ZBTB24: variants seen among roughly 807,000 people sequenced by gnomAD.
ZBTB24 encodes zinc finger and BTB domain containing 24, also known as zinc finger and BTB domain-containing protein 24.
ZBTB24 carries 32 observed loss-of-function variants against 53.8 expected under a neutral mutation model. The observed-to-expected ratio is 0.60, with a 90% CI of 0.45 to 0.80. ZBTB24 has a LOEUF of 0.80. ZBTB24 is among the 30% of genes least tolerant of loss of function. The pLI, the probability that ZBTB24 is intolerant of heterozygous loss-of-function variation, is 0.00. For synonymous variants in ZBTB24, 297 were observed against 306.7 expected, an observed-to-expected ratio of 0.97 and a Z score of 0.33; for missense variants, 722 against 837.1, an observed-to-expected ratio of 0.86 and a Z score of 1.70.
chr6:109,472,728 C>T (rs1776192304), intron 5 of ZBTB24, among the ~76,000 whole-genome samples: 1 of 152,218 alleles, frequency 6.6e-6, no homozygotes, highest in African/African-American at 2.4e-5. Flanking sequence ...CACACCTGCA[C>T]ATGGATGTCA....
intron 4 of ZBTB24, among the ~76,000 whole-genome samples, chr6:109,475,745 A>G (rs1474358376): frequency 1.3e-5 from 2 of 152,242 alleles, no homozygotes; most frequent in African/African-American, 4.8e-5. Context: ...CTGAGGCCAC[A>G]AATGACCTCA....
chr6:109,475,330 G>A (rs1582677141), intron 5 of ZBTB24, 69 bp downstream of exon 5: 10 of 1,575,678 alleles, frequency 6.3e-6, no homozygotes, highest in Non-Finnish European at 8.7e-6. Flanking sequence ...AGGGCACTCA[G>A]AGAACTTCAT....
rs892009214 is a variant in ZBTB24 at position 109,462,640 on chromosome 6, T to C, written c.*3211A>G. 2 of 152,224 alleles carry C rather than the reference T, an allele frequency of 1.3e-5. No individual in the cohort carries two copies. The highest frequency in any genetic ancestry group is 4.8e-5 in the African/African-American group (2 of 41,448). 9.4% of individuals were successfully genotyped at this position (152,224 alleles called of 1,614,324 possible). ...TTTAATCTGTTGCTCACAACATTTA[T>C]AACACAAGAACCAACTGTAGAAAAT... On this transcript the variant is annotated 3_prime_UTR_variant, in exon 7 of 7. Coordinates refer to ENST00000230122, the MANE Select transcript of ZBTB24 (RefSeq NM_014797.3).
In ZBTB24 at chr6:109,481,231, C is replaced by T. The variant is rs45455100; in HGVS notation, c.796G>A (p.Asp266Asn). The change falls in exon 2 of 7, where the codon GAT becomes AAT. Residue 266 changes from aspartate to asparagine, a missense_variant. Coordinates refer to ENST00000230122, the MANE Select transcript of ZBTB24 (RefSeq NM_014797.3). ...TCTTGATCCCCAACAAGTTTGTAAT[C>T]TTTAAGTTTGACGGATCTCCAAATC... Reference protein sequence around the residue: ...RRIWRSVKLKDYKLVGDQEDH... With the variant: ...RRIWRSVKLKNYKLVGDQEDH... The T allele has an allele frequency of 2.7e-5, 44 of 1,614,226 alleles. No homozygotes were observed. The highest frequency in any genetic ancestry group is 3.4e-5 in the Non-Finnish European group (40 of 1,180,038).
intron 1 of ZBTB24, 37 bp downstream of exon 1, chr6:109,483,061 G>C (rs1343642231): frequency 6.6e-6 from 1 of 152,212 alleles, no homozygotes; most frequent in South Asian, 2.1e-4. Context: ...CTACCGCTCA[G>C]GGGCGCCCGG....
At chr6:109,467,556 C>T (rs1776073970) in intron 6 of ZBTB24, 97 bp downstream of exon 6, 1 of 1,594,116 alleles carries the variant, frequency 6.3e-7, no homozygotes, top group Non-Finnish European at 8.5e-7. Flanking sequence ...TGCAAAGTAA[C>T]AACTGGGAGA....
Position 109,481,200 on chromosome 6 carries a change from T to A in ZBTB24, c.827A>T (p.His276Leu). The A allele has an allele frequency of 6.2e-7, 1 of 1,614,224 alleles. No homozygotes were observed. Among genetic ancestry groups the A allele is most frequent in the Non-Finnish European group, 8.5e-7 (1 of 1,180,040 alleles). ...TCCACAGATCCTCTTGGCTGAACCATGGTCCTCTTGATCCCCAACAAGTTT... is the reference window on the plus strand; with the variant it reads ...TCCACAGATCCTCTTGGCTGAACCAAGGTCCTCTTGATCCCCAACAAGTTT... ...DYKLVGDQED[H>L]GSAKRICGRR... The change falls in exon 2 of 7, where the codon CAT becomes CTT. Residue 276 changes from histidine (H) to leucine (L), a missense_variant. His to Leu is a moderately conservative substitution (Grantham distance 99). Transcript: ENST00000230122.
At chr6:109,478,452 A>G (rs1776324680) in intron 2 of ZBTB24, among the ~76,000 whole-genome samples, 1 of 152,100 alleles carries the variant, frequency 6.6e-6, no homozygotes, top group Non-Finnish European at 1.5e-5. Flanking sequence ...TCTCCAATTC[A>G]TCTGCATCTC....
At chr6:109,474,856 T>G (rs987094178) in intron 5 of ZBTB24, among the ~76,000 whole-genome samples, 1 of 151,594 alleles carries the variant, frequency 6.6e-6, no homozygotes, top group Non-Finnish European at 1.5e-5. Context: ...CTGGGCAACA[T>G]AGTGGGACCC....
At chr6:109,474,792 A>G (rs895865785) in intron 5 of ZBTB24, among the ~76,000 whole-genome samples, 4 of 151,982 alleles carry the variant, frequency 2.6e-5, no homozygotes, top group African/African-American at 4.8e-5. Context: ...TCATCTCAGC[A>G]TTTTGGGAGG....
chr6:109,476,666 T>C, intron 3 of ZBTB24, 97 bp downstream of exon 3: 1 of 1,496,426 alleles, frequency 6.7e-7, no homozygotes. Context: ...ACGTTGGAAA[T>C]GATACTAGGC....
Position 109,463,420 on chromosome 6 carries a change from C to G in ZBTB24, c.*2431G>C, listed in dbSNP as rs1034352429. The G allele has an allele frequency of 6.6e-6, 1 of 152,210 alleles. No homozygotes were observed. Among genetic ancestry groups the G allele is most frequent in the Non-Finnish European group, 1.5e-5 (1 of 68,044 alleles). The allele number at this position is 152,210 out of a possible 1,614,324, so 9.4% of individuals were successfully genotyped here. On this transcript the variant is annotated 3_prime_UTR_variant, in exon 7 of 7. Transcript: ENST00000230122. ...TTCAGGCATAGCTAGGACTGATGCT[C>G]AAGTTAGAAACAGGTGGCCCATGCT...
At chr6:109,470,510 C>A (rs1348886180) in intron 5 of ZBTB24, among the ~76,000 whole-genome samples, 1 of 152,198 alleles carries the variant, frequency 6.6e-6, no homozygotes. Flanking sequence ...CCATGCCCAC[C>A]TGCTGAAACC....
At chr6:109,469,962 T>C (rs972835231) in intron 5 of ZBTB24, among the ~76,000 whole-genome samples, 2 of 152,182 alleles carry the variant, frequency 1.3e-5, no homozygotes, top group African/African-American at 4.8e-5. Flanking sequence ...GCAGGGGACC[T>C]GTGGAGCCTC....
rs376241756 is a variant in ZBTB24 at position 109,467,736 on chromosome 6, TA to T, written c.1289-3del. On this transcript the variant is annotated splice_polypyrimidine_tract_variant and splice_region_variant and intron_variant, in intron 5 of 6. Transcript: ENST00000230122. ...TTTCACAAGTAAATGGCTTCTCACC[TA>T]AAAAAAACAAAAACAAAAACAAAAA... 1.2e-6 allele frequency: 2 copies of T among 1,612,210 alleles called. No individual in the cohort carries two copies. Among genetic ancestry groups the T allele is most frequent in the African/African-American group, 1.3e-5 (1 of 74,584 alleles).
chr6:109,465,300 G>T lies in ZBTB24; in HGVS notation c.*551C>A. ...CCACTGTACTGCATAAAGATAAAAC[G>T]TTGAGGGTTACTTTGTCTTAGGGGA... is the stretch of plus-strand genomic sequence containing the variant. On this transcript the variant is annotated 3_prime_UTR_variant, in exon 7 of 7. Coordinates refer to ENST00000230122, the MANE Select transcript of ZBTB24 (RefSeq NM_014797.3). The T allele has an allele frequency of 3.9e-6, 1 of 256,910 alleles. No individual in the cohort carries two copies. The highest frequency in any genetic ancestry group is 8.8e-5 in the East Asian group (1 of 11,334). The allele number at this position is 256,910 out of a possible 1,614,324, so 15.9% of individuals were successfully genotyped here.
At chr6:109,473,334 C>T (rs565172397) in intron 5 of ZBTB24, among the ~76,000 whole-genome samples, 2 of 152,104 alleles carry the variant, frequency 1.3e-5, no homozygotes, top group Non-Finnish European at 2.9e-5. Context: ...CCTCCCAGCA[C>T]GTCTCCAGCT....
At chr6:109,472,884 T>G (rs1216476050) in intron 5 of ZBTB24, among the ~76,000 whole-genome samples, 1 of 152,104 alleles carries the variant, frequency 6.6e-6, no homozygotes, top group Non-Finnish European at 1.5e-5. Context: ...CCCTGGACTA[T>G]CTCCAGAACT....
At chr6:109,479,574 TAA>T (rs1776353894) in intron 2 of ZBTB24, among the ~76,000 whole-genome samples, 1 of 152,196 alleles carries the variant, frequency 6.6e-6, no homozygotes, top group Non-Finnish European at 1.5e-5. Flanking sequence ...TGCTTTTTCT[TAA>T]GTCTTGTATA....
Sources: allele counts gnomAD v4.1 joint callset (sites outside exome capture counted in the v4.1 genomes callset), GRCh38; gene constraint gnomAD v4.1.1; transcripts MANE v1.5; gene names NCBI Gene and HGNC (gene_info 2026-07-23, HGNC 2026-07-21).